MGAT4C: variants seen among roughly 807,000 people sequenced by gnomAD.
MGAT4C encodes the protein MGAT4 family member C.
A neutral mutation model predicts 40.1 loss-of-function variants in MGAT4C; 19 were observed. The ratio of observed to expected loss-of-function variants is 0.47; its 90% confidence interval spans 0.33 to 0.70. The LOEUF is 0.70. Among genes scored for constraint, MGAT4C ranks in the 30% least tolerant of loss-of-function variants. The pLI, the probability that MGAT4C is intolerant of heterozygous loss-of-function variation, is 0.02. For synonymous variants in MGAT4C, 181 were observed against 187.1 expected, an observed-to-expected ratio of 0.97 and a Z score of 0.27; for missense variants, 491 against 563.2, an observed-to-expected ratio of 0.87 and a Z score of 1.30.
chr12:86,266,407 G>A (rs1422431321), intron 4 of MGAT4C, among the ~76,000 whole-genome samples: 5 of 152,072 alleles, frequency 3.3e-5, no homozygotes, highest in Non-Finnish European at 7.4e-5. Context: ...TAGGGTTTTT[G>A]TCCTTCATTC....
chr12:86,570,302 A>G (rs931248014), intron 2 of MGAT4C, among the ~76,000 whole-genome samples: 6 of 59,878 alleles, frequency 1.0e-4, no homozygotes, highest in Non-Finnish European at 1.6e-4. Flanking sequence ...CAACACAAAT[A>G]TATAATATTT....
At chr12:86,729,323 C>A (rs995467640) in intron 1 of MGAT4C, among the ~76,000 whole-genome samples, 11 of 151,762 alleles carry the variant, frequency 7.2e-5, no homozygotes, top group South Asian at 2.1e-4. Flanking sequence ...TCTCACGTAA[C>A]CCACAAATAT....
At chr12:86,823,549 A>T (rs1952743915) in intron 1 of MGAT4C, among the ~76,000 whole-genome samples, 1 of 151,340 alleles carries the variant, frequency 6.6e-6, no homozygotes, top group Non-Finnish European at 1.5e-5. Flanking sequence ...CGATGAGGAT[A>T]GTTGTCACAT....
At chr12:86,431,083 G>C (rs1957028757) in intron 3 of MGAT4C, among the ~76,000 whole-genome samples, 1 of 152,162 alleles carries the variant, frequency 6.6e-6, no homozygotes, top group Non-Finnish European at 1.5e-5. Context: ...CAGAATTGTT[G>C]GGGTGGGTCC....
chr12:86,092,575 A>C (rs1438459330), intron 1 of MGAT4C, among the ~76,000 whole-genome samples: 1 of 152,148 alleles, frequency 6.6e-6, no homozygotes, highest in Admixed American at 6.6e-5. Context: ...AGGGAAATTT[A>C]GTACTTAGAT....
At chr12:86,353,778 A>T (rs1012400151) in intron 3 of MGAT4C, among the ~76,000 whole-genome samples, 2 of 152,114 alleles carry the variant, frequency 1.3e-5, no homozygotes, top group African/African-American at 4.8e-5. Flanking sequence ...GTGAGGAAGC[A>T]ATCCCTTTCC....
intron 1 of MGAT4C, among the ~76,000 whole-genome samples, chr12:86,204,796 A>G (rs1186337494): frequency 6.6e-6 from 1 of 152,150 alleles, no homozygotes; most frequent in Admixed American, 6.5e-5. Context: ...CAACATATGT[A>G]AAGTGTCAAC....
chr12:86,532,116 T>C (rs894466843), intron 2 of MGAT4C, among the ~76,000 whole-genome samples: 16 of 151,994 alleles, frequency 1.1e-4, no homozygotes, highest in Admixed American at 2.6e-4. Context: ...TTAAATTAAG[T>C]GACTGAAATT....
At chr12:86,332,333 G>A (rs939208710) in intron 4 of MGAT4C, among the ~76,000 whole-genome samples, 4 of 151,656 alleles carry the variant, frequency 2.6e-5, no homozygotes, top group Non-Finnish European at 5.9e-5. Flanking sequence ...AAAGATATTA[G>A]GTTTTAGTTT....
At chr12:86,654,651 A>G (rs374848040) in intron 2 of MGAT4C, among the ~76,000 whole-genome samples, 1 of 151,814 alleles carries the variant, frequency 6.6e-6, no homozygotes, top group South Asian at 2.1e-4. Context: ...CTTAGAATCA[A>G]AAGTCCCAGA....
chr12:86,583,689 A>C (rs1451984527), intron 2 of MGAT4C, among the ~76,000 whole-genome samples: 1 of 151,274 alleles, frequency 6.6e-6, no homozygotes, highest in African/African-American at 2.4e-5. Flanking sequence ...TCTTCTGGTG[A>C]AAATATATTC....
intron 1 of MGAT4C, among the ~76,000 whole-genome samples, chr12:86,210,830 G>A (rs189726532): frequency 6.6e-6 from 1 of 152,240 alleles, no homozygotes; most frequent in East Asian, 1.9e-4. Context: ...GGATAATAGT[G>A]TTAAACCTGG....
chr12:86,108,704 C>T (rs1228347773), intron 1 of MGAT4C, among the ~76,000 whole-genome samples: 1 of 152,144 alleles, frequency 6.6e-6, no homozygotes, highest in Non-Finnish European at 1.5e-5. Context: ...GTTAAGTCTC[C>T]ACTCCAAGGT....
At chr12:86,315,226 G>C (rs1310558034) in intron 4 of MGAT4C, among the ~76,000 whole-genome samples, 1 of 151,956 alleles carries the variant, frequency 6.6e-6, no homozygotes, top group Non-Finnish European at 1.5e-5. Flanking sequence ...CAATAATCTG[G>C]TCTTTGACAA....
chr12:86,598,052 T>C (rs1332960181), intron 2 of MGAT4C, among the ~76,000 whole-genome samples: 1 of 152,132 alleles, frequency 6.6e-6, no homozygotes, highest in Non-Finnish European at 1.5e-5. Context: ...TATACTTTAC[T>C]TTTCTATGTA....
intron 2 of MGAT4C, among the ~76,000 whole-genome samples, chr12:86,688,784 C>T (rs915772593): frequency 2.0e-5 from 3 of 152,128 alleles, no homozygotes; most frequent in Non-Finnish European, 4.4e-5. Context: ...AACATTTTTT[C>T]CTTCAGTTCA....
intron 2 of MGAT4C, among the ~76,000 whole-genome samples, chr12:86,471,119 A>G (rs73189397): frequency 0.1 from 15,285 of 152,188 alleles, 1,008 homozygotes; most frequent in Middle Eastern, 0.25. Flanking sequence ...TGTTAAAAGA[A>G]GTTTTTTAGG....
At chr12:86,093,403 AATGCTT>A (rs1873243455) in intron 1 of MGAT4C, among the ~76,000 whole-genome samples, 1 of 152,070 alleles carries the variant, frequency 6.6e-6, no homozygotes, top group South Asian at 2.1e-4. Context: ...AGCATTCCTA[AATGCTT>A]ATGTAAGTTA....
intron 2 of MGAT4C, among the ~76,000 whole-genome samples, chr12:86,673,421 C>T (rs1356508521): frequency 6.6e-6 from 1 of 152,054 alleles, no homozygotes; most frequent in African/African-American, 2.4e-5. Context: ...CTCACAACTC[C>T]CTGAGTAAGC....
Sources: allele counts gnomAD v4.1 joint callset (sites outside exome capture counted in the v4.1 genomes callset), GRCh38; gene constraint gnomAD v4.1.1; transcripts MANE v1.5; gene names NCBI Gene and HGNC (gene_info 2026-07-23, HGNC 2026-07-21).